Variants in ODAM observed in about 807,000 individuals in gnomAD.
ODAM encodes the protein odontogenic ameloblast-associated protein.
A neutral mutation model predicts 48.5 loss-of-function variants in ODAM; 55 were observed. That is an observed-to-expected ratio of 1.13 (90% CI 0.91 to 1.42). ODAM has a LOEUF of 1.42. Among genes scored for constraint, ODAM ranks in the 40% most tolerant of loss-of-function variants. The pLI, the probability that ODAM is intolerant of heterozygous loss-of-function variation, is 0.00. For missense variants in ODAM, 353 were observed against 323.6 expected, an observed-to-expected ratio of 1.09 and a Z score of -0.70; for synonymous variants, 127 against 107.8, an observed-to-expected ratio of 1.18 and a Z score of -1.10.
In ODAM at chr4:70,197,264, C is replaced by T; in HGVS notation, c.94-10C>T. 7.9e-7 allele frequency: 1 copy of T among 1,263,610 alleles called. No individual in the cohort carries two copies. The highest frequency in any genetic ancestry group is 1.2e-6 in the Non-Finnish European group (1 of 865,076). The allele number at this position is 1,263,610 out of a possible 1,614,324, so 78.3% of individuals were successfully genotyped here. Reference sequence around the variant, plus strand: ...GTAATCTTGATTTCATATTATTTTTCTTTTTCTAGTTACTTCTTAATCTTA... The same window carrying T: ...GTAATCTTGATTTCATATTATTTTTTTTTTTCTAGTTACTTCTTAATCTTA... On this transcript the variant is annotated splice_polypyrimidine_tract_variant and intron_variant, in intron 3 of 11. Coordinates refer to ENST00000683306, the MANE Select transcript of ODAM (RefSeq NM_017855.4).
At chr4:70,201,008 G>C (rs1300574543) in intron 7 of ODAM, among the ~76,000 whole-genome samples, 2 of 151,938 alleles carry the variant, frequency 1.3e-5, no homozygotes. Context: ...ACTGGATTTT[G>C]AGATACAATT....
intron 4 of ODAM, 56 bp downstream of exon 4, chr4:70,197,377 G>A (rs1729393226): frequency 1.1e-6 from 1 of 949,458 alleles, no homozygotes; most frequent in East Asian, 2.4e-5. Flanking sequence ...GCTCATTTAT[G>A]TTATTTTGTA....
intron 11 of ODAM, 52 bp downstream of exon 11, chr4:70,203,266 G>A: frequency 9.5e-7 from 1 of 1,055,314 alleles, no homozygotes; most frequent in African/African-American, 1.6e-5. Context: ...TCCTACATAA[G>A]AAGACAAAAG....
chr4:70,197,205 C>A, intron 3 of ODAM, 69 bp from the exon 4 acceptor site: 1 of 771,292 alleles, frequency 1.3e-6, no homozygotes, highest in Non-Finnish European at 2.3e-6. Context: ...GCTATATTTG[C>A]AGTAAACATT....
intron 3 of ODAM, 94 bp from the exon 4 acceptor site, chr4:70,197,180 C>A (rs1202746371): frequency 5.9e-6 from 4 of 675,570 alleles, no homozygotes; most frequent in Non-Finnish European, 1.1e-5. Flanking sequence ...AATTGAGCAA[C>A]CAGCTATGAC....
At chr4:70,197,448 G>T (rs1729396356) in intron 4 of ODAM, 127 bp downstream of exon 4, 1 of 701,876 alleles carries the variant, frequency 1.4e-6, no homozygotes, top group South Asian at 1.6e-5. Context: ...TTATGAATTT[G>T]TCTCATATGT....
Position 70,202,293 on chromosome 4 carries a change from T to C in ODAM, c.612T>C (p.Asp204=), listed in dbSNP as rs749020334. 3.2e-5 allele frequency: 52 copies of C among 1,611,946 alleles called. No homozygotes were observed. The South Asian group carries it at 5.5e-4, about 17-fold the overall frequency. Residue 204 remains aspartate (D), a synonymous_variant, in exon 9 of 12, where the codon GAT becomes GAC. Coordinates refer to ENST00000683306, the MANE Select transcript of ODAM (RefSeq NM_017855.4). ...ISGGQQQLAF[D]PQLGTAPEIA... ...GAGGACAGCAGCAACTAGCTTTTGA[T>C]CCCCAACTAGGCACAGCTCCTGAAA...
intron 4 of ODAM, chr4:70,197,642 T>A: frequency 3.7e-6 from 2 of 539,942 alleles, no homozygotes; most frequent in Admixed American, 3.5e-5. Context: ...AGGGTTAAGG[T>A]AGGGGAAAAT....
chr4:70,203,215 G>T lies in ODAM; in HGVS notation c.*29+1G>T. 1 of 1,562,938 alleles carries T rather than the reference G, an allele frequency of 6.4e-7. No homozygotes were observed. Among genetic ancestry groups the T allele is most frequent in the South Asian group, 1.1e-5 (1 of 89,288 alleles). ...TTGCCCTGATCATTCAGACATTTTG[G>T]TAGGTATTTGCCAAAGTCAAGAATT... On this transcript the variant is annotated splice_donor_variant, in intron 11 of 11. Coordinates refer to ENST00000683306, the MANE Select transcript of ODAM (RefSeq NM_017855.4). LOFTEE classifies it low-confidence loss of function (3UTR_SPLICE).
rs182260840 is a variant in ODAM at position 70,197,781 on chromosome 4, G to T, written c.142-143G>T. 10 of 659,218 alleles carry T rather than the reference G, an allele frequency of 1.5e-5. No homozygotes were observed. In the East Asian group the frequency reaches 2.4e-4, roughly 16 times the overall value. The allele number at this position is 659,218 out of a possible 1,614,324, so 40.8% of individuals were successfully genotyped here. Reference sequence around the variant, plus strand: ...TCGTATTATTTGCTTGGTTCAAAATGAATCAAGATGCTGTCCTTTTTTATG... The same window carrying T: ...TCGTATTATTTGCTTGGTTCAAAATTAATCAAGATGCTGTCCTTTTTTATG... On this transcript the variant is annotated intron_variant, in intron 4 of 11. Transcript: ENST00000683306.
At chr4:70,203,450 A>G (rs544794871) in intron 11 of ODAM, among the ~76,000 whole-genome samples, 48 of 152,082 alleles carry the variant, frequency 3.2e-4, no homozygotes, top group Non-Finnish European at 6.3e-4. Flanking sequence ...CTGAAAACAC[A>G]AATACTAGAT....
At chr4:70,200,671 T>C (rs1169964003) in intron 7 of ODAM, 70 bp downstream of exon 7, 8 of 1,028,384 alleles carry the variant, frequency 7.8e-6, no homozygotes, top group Non-Finnish European at 1.1e-5. Context: ...TATATTACCA[T>C]AGAAAAAAAG....
chr4:70,202,179 C>A, intron 8 of ODAM, 79 bp from the exon 9 acceptor site: 2 of 965,670 alleles, frequency 2.1e-6, no homozygotes, highest in Non-Finnish European at 3.3e-6. Context: ...TGTTTTACTA[C>A]TCTGGTACTC....
chr4:70,202,977 T>C, intron 10 of ODAM, 60 bp downstream of exon 10: 1 of 1,482,632 alleles, frequency 6.7e-7, no homozygotes, highest in Admixed American at 1.9e-5. Flanking sequence ...AATACAGTGA[T>C]AAAATTAGTG....
intron 4 of ODAM, among the ~76,000 whole-genome samples, chr4:70,197,560 T>C (rs1360970413): frequency 6.6e-6 from 1 of 152,010 alleles, no homozygotes; most frequent in Non-Finnish European, 1.5e-5. Flanking sequence ...CTCACAACTA[T>C]GAGATAGTTA....
At position 70,202,855 on chromosome 4, in the gene ODAM, A is replaced by G; in HGVS notation, c.748A>G (p.Thr250Ala). Residue 250 changes from threonine to alanine, a missense_variant, in exon 10 of 12, where the codon ACA becomes GCA. Coordinates refer to ENST00000683306, the MANE Select transcript of ODAM (RefSeq NM_017855.4). ...GCCCTCAACTTCACCAAAACCCAGC[A>G]CAACCAATGTTTTCACTTCTGCTGT... The part of the protein sequence containing the change: ...FMPSTSPKPS[T>A]TNVFTSAVDQ... 2.5e-6 allele frequency: 4 copies of G among 1,612,468 alleles called. No homozygotes were observed. The highest frequency in any genetic ancestry group is 8.5e-7 in the Non-Finnish European group (1 of 1,179,084).
At chr4:70,198,530 A>T in intron 5 of ODAM, 49 bp from the exon 6 acceptor site, 1 of 1,416,978 alleles carries the variant, frequency 7.1e-7, no homozygotes, top group Non-Finnish European at 9.7e-7. Flanking sequence ...AGGGATTTTT[A>T]AATAACAAAG....
In ODAM at chr4:70,199,788, T is replaced by G. The variant is rs191456572; in HGVS notation, c.424-709T>G. Among the ~76,000 whole-genome samples, 9 of 152,138 alleles carry G rather than the reference T, an allele frequency of 5.9e-5. No individual in the cohort carries two copies. In the East Asian group the frequency reaches 1.6e-3, roughly 26 times the overall value. On this transcript the variant is annotated intron_variant, in intron 6 of 11. Transcript: ENST00000683306. ...AATCCTCCTGAAACCCTAGTTGTTT[T>G]TTTTAACTTCATGTCTAATACAATC...
intron 5 of ODAM, 27 bp from the exon 6 acceptor site, chr4:70,198,552 T>C: frequency 6.4e-7 from 1 of 1,559,906 alleles, no homozygotes; most frequent in Non-Finnish European, 8.7e-7. Flanking sequence ...CAAGCATACA[T>C]TTTTATATAA....
Sources: gnomAD v4.1 joint callset for allele counts (sites outside exome capture counted in the v4.1 genomes callset) on GRCh38, gnomAD v4.1.1 for gene constraint, MANE v1.5 for transcripts, NCBI Gene and HGNC (gene_info 2026-07-23, HGNC 2026-07-21) for gene names.